CEBPZ: variants seen among roughly 807,000 people sequenced by gnomAD.
CEBPZ encodes the protein CCAAT enhancer binding protein zeta.
Under a neutral mutation model 104.5 loss-of-function variants are expected in CEBPZ, and 78 were observed. The ratio of observed to expected loss-of-function variants is 0.75; its 90% CI spans 0.62 to 0.90. CEBPZ has a LOEUF of 0.90. Among genes scored for constraint, CEBPZ ranks in the 40% least tolerant of loss-of-function variants. The pLI is 0.00. For missense variants in CEBPZ, 1,439 were observed against 1,233.5 expected, an observed-to-expected ratio of 1.17 and a Z score of -2.50; for synonymous variants, 470 against 427.0, an observed-to-expected ratio of 1.10 and a Z score of -1.24.
At chr2:37,231,340 C>A (rs1665089068) in intron 1 of CEBPZ, 72 bp downstream of exon 1, 2 of 1,584,434 alleles carry the variant, frequency 1.3e-6, no homozygotes, top group South Asian at 2.2e-5. Context: ...GCGGAAGCGG[C>A]GGGGCAGTCA....
chr2:37,205,946 G>C (rs1373412161), intron 13 of CEBPZ, among the ~76,000 whole-genome samples: 1 of 152,192 alleles, frequency 6.6e-6, no homozygotes, highest in Non-Finnish European at 1.5e-5. Context: ...GCAAATAATG[G>C]TTGAGAAAAG....
At position 37,212,501 on chromosome 2, in the gene CEBPZ, T is replaced by G; in HGVS notation, c.2546-109A>C. ...TCATGATTCTGCTGTTTATGACAAGTGAACACCAAAACAATGTAAATGTTA... is the reference window on the plus strand; with the variant it reads ...TCATGATTCTGCTGTTTATGACAAGGGAACACCAAAACAATGTAAATGTTA... On this transcript the variant is annotated intron_variant, in intron 10 of 15. Transcript: ENST00000234170. The G allele has an allele frequency of 1.9e-5, 17 of 902,818 alleles. No homozygotes were observed. The South Asian group carries it at 2.5e-4, about 13-fold the overall frequency. The allele number at this position is 902,818 out of a possible 1,614,324, so 55.9% of individuals were successfully genotyped here.
At position 37,228,451 on chromosome 2, in the gene CEBPZ, T is replaced by C; in HGVS notation, c.742A>G (p.Met248Val). 1 of 1,614,216 alleles carries C rather than the reference T, an allele frequency of 6.2e-7. No individual in the cohort carries two copies. The highest frequency in any genetic ancestry group is 8.5e-7 in the Non-Finnish European group (1 of 1,180,036). The change falls in exon 2 of 16, where the codon ATG becomes GTG. Residue 248 changes from methionine to valine, a missense_variant. Transcript: ENST00000234170. ...TGAATAAGAAGAATCATGGCTGCCA[T>C]CCTGTCACCTAGTGTCCCCGATGAC... ...IVSSGTLGDR[M>V]AAMILLIQDD...
chr2:37,217,085 T>C lies in CEBPZ; in HGVS notation c.2155-48A>G, dbSNP rs199498942. 1.1e-5 allele frequency: 16 copies of C among 1,477,134 alleles called. No homozygotes were observed. The East Asian group carries it at 2.7e-4, about 25-fold the overall frequency. 91.5% of individuals were successfully genotyped at this position (1,477,134 alleles called of 1,614,324 possible). On this transcript the variant is annotated intron_variant, in intron 5 of 15. Coordinates refer to ENST00000234170, the MANE Select transcript of CEBPZ (RefSeq NM_005760.3). ...TATCAATATTTCTAAGGTCGACTCT[T>C]AGTACATTTATAGCTTATTTAAGAA...
chr2:37,212,316 G>C lies in CEBPZ; in HGVS notation c.2603+19C>G. On this transcript the variant is annotated intron_variant, in intron 11 of 15. Coordinates refer to ENST00000234170, the MANE Select transcript of CEBPZ (RefSeq NM_005760.3). ...GGAAATGCTAGAAAAATAGGAAGGAGAAGATAGAAGTATGTTACCCAGCAA... is the reference window on the plus strand; with the variant it reads ...GGAAATGCTAGAAAAATAGGAAGGACAAGATAGAAGTATGTTACCCAGCAA... The C allele has an allele frequency of 1.2e-6, 2 of 1,605,198 alleles. No homozygotes were observed. The highest frequency in any genetic ancestry group is 1.7e-6 in the Non-Finnish European group (2 of 1,172,284).
intron 13 of CEBPZ, chr2:37,203,258 A>G (rs1201709387): frequency 7.2e-6 from 2 of 279,394 alleles, no homozygotes; most frequent in Non-Finnish European, 1.3e-5. Context: ...AGATTTGGCC[A>G]CTGATCGAAG....
At chr2:37,215,090 T>C (rs930744030) in intron 8 of CEBPZ, 138 bp from the exon 9 acceptor site, 12 of 627,504 alleles carry the variant, frequency 1.9e-5, no homozygotes, top group African/African-American at 1.8e-4. Flanking sequence ...GAAGGGACTC[T>C]GGAGTGCAAG....
Position 37,212,318 on chromosome 2 carries a change from A to T in CEBPZ, c.2603+17T>A. The T allele has an allele frequency of 1.2e-6, 2 of 1,606,684 alleles. No individual in the cohort carries two copies. Among genetic ancestry groups the T allele is most frequent in the Non-Finnish European group, 1.7e-6 (2 of 1,173,568 alleles). On this transcript the variant is annotated intron_variant, in intron 11 of 15. Transcript: ENST00000234170. ...AAATGCTAGAAAAATAGGAAGGAGA[A>T]GATAGAAGTATGTTACCCAGCAAAA...
chr2:37,212,889 A>AT (rs1677771200), intron 10 of CEBPZ, among the ~76,000 whole-genome samples: 1 of 151,012 alleles, frequency 6.6e-6, no homozygotes, highest in Non-Finnish European at 1.5e-5. Context: ...CAAAAAAAAA[A>AT]CGAGCCGGAC....
At chr2:37,209,457 T>C (rs1283035851) in intron 13 of CEBPZ, 2 of 152,124 alleles carry the variant, frequency 1.3e-5, no homozygotes, top group Non-Finnish European at 2.9e-5. Flanking sequence ...CGTAGACCAA[T>C]GGAACAGAAT....
At chr2:37,229,704 T>C (rs920476664) in intron 1 of CEBPZ, among the ~76,000 whole-genome samples, 3 of 152,144 alleles carry the variant, frequency 2.0e-5, no homozygotes, top group Non-Finnish European at 4.4e-5. Flanking sequence ...CAGCTTCATT[T>C]CTAAAAATTA....
intron 2 of CEBPZ, 93 bp from the exon 3 acceptor site, chr2:37,223,494 G>T: frequency 9.4e-7 from 1 of 1,064,742 alleles, no homozygotes; most frequent in Non-Finnish European, 1.4e-6. Flanking sequence ...CCTCATCTTA[G>T]TTAGGGATAA....
At chr2:37,205,629 C>T (rs539337412) in intron 13 of CEBPZ, among the ~76,000 whole-genome samples, 33 of 152,278 alleles carry the variant, frequency 2.2e-4, no homozygotes, top group Admixed American at 5.2e-4. Flanking sequence ...CATACAGACG[C>T]GCATGAAACT....
intron 1 of CEBPZ, among the ~76,000 whole-genome samples, chr2:37,230,196 T>C (rs1665016757): frequency 6.6e-6 from 1 of 152,184 alleles, no homozygotes; most frequent in South Asian, 2.1e-4. Context: ...TGCACTGATA[T>C]AGAAGGATTT....
Position 37,228,335 on chromosome 2 carries a change from C to T in CEBPZ, c.858G>A (p.Leu286=), listed in dbSNP as rs1664942542. The T allele has an allele frequency of 5.6e-6, 9 of 1,614,032 alleles. No homozygotes were observed. Among genetic ancestry groups the T allele is most frequent in the Non-Finnish European group, 7.6e-6 (9 of 1,180,030 alleles). The change falls in exon 2 of 16, where the codon TTG becomes TTA. Residue 286 remains leucine (L), a synonymous_variant. Coordinates refer to ENST00000234170, the MANE Select transcript of CEBPZ (RefSeq NM_005760.3). ...TGATAAGCAACTCTTTGAAAGTATC[C>T]AAGGCCATAAGGCACTGCTGTTTGC... is the stretch of plus-strand genomic sequence containing the variant. ...KGSKQQCLMA[L]DTFKELLITD...
At chr2:37,225,012 T>C (rs1664848834) in intron 2 of CEBPZ, among the ~76,000 whole-genome samples, 1 of 151,618 alleles carries the variant, frequency 6.6e-6, no homozygotes, top group Non-Finnish European at 1.5e-5. Flanking sequence ...CCATCAAAAG[T>C]TCAAAATAAT....
intron 8 of CEBPZ, 25 bp from the exon 9 acceptor site, chr2:37,214,977 T>C (rs1558472576): frequency 2.1e-6 from 3 of 1,410,242 alleles, no homozygotes; most frequent in African/African-American, 1.4e-5. Flanking sequence ...TTAAACATTT[T>C]AACTTCATAT....
chr2:37,221,335 C>G (rs1275685496), intron 4 of CEBPZ, among the ~76,000 whole-genome samples: 2 of 152,030 alleles, frequency 1.3e-5, no homozygotes, highest in East Asian at 3.9e-4. Flanking sequence ...AAACAAAAAC[C>G]AAACCAAAAA....
At position 37,228,013 on chromosome 2, in the gene CEBPZ, G is replaced by A. The variant is rs1396354620; in HGVS notation, c.1180C>T (p.Pro394Ser). ...GCTTTTGTGGCAATTCTGTTCTGAGGATCTCCCAGTTTATTTACCACTTGC... is the reference window on the plus strand; with the variant it reads ...GCTTTTGTGGCAATTCTGTTCTGAGAATCTCCCAGTTTATTTACCACTTGC... ...LVQVVNKLGDPQNRIATKASH... is the reference protein window; with the variant it reads ...LVQVVNKLGDSQNRIATKASH... Residue 394 changes from proline (P) to serine (S), a missense_variant, in exon 2 of 16, where the codon CCT becomes TCT. Coordinates refer to ENST00000234170, the MANE Select transcript of CEBPZ (RefSeq NM_005760.3). 3.1e-6 allele frequency: 5 copies of A among 1,614,118 alleles called. No individual in the cohort carries two copies. Among genetic ancestry groups the A allele is most frequent in the South Asian group, 2.2e-5 (2 of 91,082 alleles).
Sources: allele counts gnomAD v4.1 joint callset (sites outside exome capture counted in the v4.1 genomes callset), GRCh38; gene constraint gnomAD v4.1.1; transcripts MANE v1.5; gene names NCBI Gene and HGNC (gene_info 2026-07-23, HGNC 2026-07-21).